The following SHCBP1 variants were observed in gnomAD, a reference collection of about 807,000 sequenced individuals.
SHCBP1 encodes the protein SHC binding and spindle associated 1, also known as SHC SH2 domain-binding protein 1.
SHCBP1 carries 60 observed loss-of-function variants against 75.1 expected under a neutral mutation model. That is an observed-to-expected ratio of 0.80 (90% CI 0.65 to 0.99). The LOEUF (loss-of-function observed/expected upper bound fraction) is 0.99. Among genes scored for constraint, SHCBP1 ranks in the 50% least tolerant of loss-of-function variants. The pLI is 0.00. For synonymous variants in SHCBP1, 290 were observed against 293.2 expected (o/e 0.99, Z 0.11); for missense variants, 709 against 809.4 (o/e 0.88, Z 1.50).
chr16:46,588,592 A>G (rs8059285), intron 10 of SHCBP1, among the ~76,000 whole-genome samples: 149,978 of 152,254 alleles, frequency 0.99, 73,894 homozygotes, highest in East Asian at 1. Context: ...TAAATTCCTC[A>G]ACACATACAC....
At chr16:46,608,500 T>C (rs1467428645) in intron 4 of SHCBP1, 111 bp from the exon 5 acceptor site, 2 of 691,412 alleles carry the variant, frequency 2.9e-6, no homozygotes, top group Non-Finnish European at 2.5e-6. Flanking sequence ...TCTTAGAGAA[T>C]GCTGCATATT....
chr16:46,593,142 G>T (rs766276954), intron 10 of SHCBP1, among the ~76,000 whole-genome samples: 1 of 151,120 alleles, frequency 6.6e-6, no homozygotes, highest in Non-Finnish European at 1.5e-5. Flanking sequence ...GGGGGAAAAA[G>T]GCATAAAGAT....
chr16:46,603,953 G>A (rs751938274), intron 7 of SHCBP1, 22 bp downstream of exon 7: 9 of 1,593,596 alleles, frequency 5.6e-6, no homozygotes, highest in Middle Eastern at 1.7e-4. Flanking sequence ...AAGCCACCTG[G>A]AGTGAGAAAC....
chr16:46,608,739 GA>G (rs1965362674), intron 4 of SHCBP1, among the ~76,000 whole-genome samples: 1 of 151,524 alleles, frequency 6.6e-6, no homozygotes. Context: ...GAGTAGCTGA[GA>G]TGGCACCCAC....
chr16:46,603,477 G>T, intron 8 of SHCBP1, 62 bp downstream of exon 8: 1 of 1,600,978 alleles, frequency 6.2e-7, no homozygotes. Context: ...CAAGATTGGT[G>T]ATTTATTGTT....
intron 7 of SHCBP1, 124 bp downstream of exon 7, chr16:46,603,851 A>T: frequency 7.4e-7 from 1 of 1,342,894 alleles, no homozygotes; most frequent in Non-Finnish European, 1.0e-6. Context: ...CAGGGCTCTC[A>T]CTACTTCCCA....
chr16:46,597,755 T>C (rs1965165950), intron 9 of SHCBP1, among the ~76,000 whole-genome samples: 1 of 152,224 alleles, frequency 6.6e-6, no homozygotes, highest in African/African-American at 2.4e-5. Flanking sequence ...AGGATTTCTC[T>C]GTAGCATGTG....
chr16:46,585,740 T>C (rs981896216), intron 10 of SHCBP1, among the ~76,000 whole-genome samples: 9 of 152,182 alleles, frequency 5.9e-5, no homozygotes, highest in Admixed American at 1.3e-4. Flanking sequence ...ACTCCCTCCC[T>C]ACTGGGGCAG....
At chr16:46,600,839 C>A (rs1410013937) in intron 8 of SHCBP1, among the ~76,000 whole-genome samples, 1 of 151,456 alleles carries the variant, frequency 6.6e-6, no homozygotes, top group Non-Finnish European at 1.5e-5. Context: ...ATACAGAAAT[C>A]CTGCCTCTAC....
In SHCBP1 at chr16:46,604,229, T is replaced by G; in HGVS notation, c.922A>C (p.Arg308=). 6.2e-7 allele frequency: 1 copy of G among 1,614,076 alleles called. No individual in the cohort carries two copies. The highest frequency in any genetic ancestry group is 2.2e-5 in the East Asian group (1 of 44,884). The stretch of plus-strand genomic sequence containing the variant: ...TAAGAATTACAAAGACACACATACC[T>G]CAACAAAGGATTCTCAATGAGTTTC... ...KLKLIENPLL[R]YVFGYQKNSN... The change falls in exon 6 of 13, where the codon AGG becomes CGG. Residue 308 remains arginine (R), a splice_region_variant and synonymous_variant. Transcript: ENST00000303383.
Position 46,580,108 on chromosome 16 carries a change from G to C in SHCBP1, c.*1621C>G, listed in dbSNP as rs1419197443. On this transcript the variant is annotated 3_prime_UTR_variant, in exon 13 of 13. Transcript: ENST00000303383. ...CCACTGCACTCCAGCCTGGGTGACA[G>C]AGCAAGACTCCATCTCAAAAAAAAA... 6.9e-6 allele frequency among the ~76,000 whole-genome samples: 1 copy of C among 145,040 alleles called. No homozygotes were observed.
chr16:46,597,610 G>A (rs1223015737), intron 9 of SHCBP1, among the ~76,000 whole-genome samples: 1 of 152,146 alleles, frequency 6.6e-6, no homozygotes, highest in Non-Finnish European at 1.5e-5. Flanking sequence ...TTTGCTGGTG[G>A]AGGGTCTTAC....
rs56372629 is a variant in SHCBP1 at position 46,585,074 on chromosome 16, G to A, written c.1465-985C>T. Among the ~76,000 whole-genome samples the A allele has an allele frequency of 3.6e-3, 554 of 152,194 alleles. 2 individuals carry two copies. The Middle Eastern group carries it at 0.037, about 10-fold the overall frequency. On this transcript the variant is annotated intron_variant, in intron 10 of 12. Coordinates refer to ENST00000303383, the MANE Select transcript of SHCBP1 (RefSeq NM_024745.5). Reference sequence around the variant, plus strand: ...AGAGATTTTCAGTTTGGGGTTATGTGCAAAAAAAGATTTTGGGGCGACTAT... The same window carrying A: ...AGAGATTTTCAGTTTGGGGTTATGTACAAAAAAAGATTTTGGGGCGACTAT...
intron 1 of SHCBP1, among the ~76,000 whole-genome samples, chr16:46,619,696 T>C (rs576528225): frequency 6.6e-4 from 100 of 152,268 alleles, no homozygotes; most frequent in African/African-American, 2.4e-3. Flanking sequence ...CTTTATAGCT[T>C]TATGGAGGTA....
intron 10 of SHCBP1, among the ~76,000 whole-genome samples, chr16:46,589,692 C>T (rs915949877): frequency 1.3e-5 from 2 of 152,132 alleles, no homozygotes; most frequent in Non-Finnish European, 2.9e-5. Context: ...AATGGAAGAA[C>T]ATTCCATGCT....
In SHCBP1 at chr16:46,604,307, T is replaced by C. The variant is rs373701887; in HGVS notation, c.844A>G (p.Met282Val). The C allele has an allele frequency of 4.3e-6, 7 of 1,614,182 alleles. No individual in the cohort carries two copies. In the East Asian group the frequency reaches 6.7e-5, roughly 15 times the overall value. Residue 282 changes from methionine to valine, a missense_variant, in exon 6 of 13, where the codon ATG becomes GTG. By Grantham distance (21) the Met-to-Val change is conservative (BLOSUM62 1). Coordinates refer to ENST00000303383, the MANE Select transcript of SHCBP1 (RefSeq NM_024745.5). ...NSDSEQENIS[M>V]VEGLKLYSEM... ...GAATACAATTTTAACCCTTCCACCA[T>C]GGAGATATTTTCCTGCTCGGAATCA...
intron 10 of SHCBP1, among the ~76,000 whole-genome samples, chr16:46,590,912 C>T (rs1271272099): frequency 6.6e-6 from 1 of 152,058 alleles, no homozygotes; most frequent in Non-Finnish European, 1.5e-5. Context: ...GACTTGGAAC[C>T]AACAAAAATG....
Position 46,579,267 on chromosome 16 carries a change from TC to T in SHCBP1, c.*2461del, listed in dbSNP as rs1271738461. Among the ~76,000 whole-genome samples the T allele has an allele frequency of 6.6e-6, 1 of 152,150 alleles. No individual in the cohort carries two copies. Among genetic ancestry groups the T allele is most frequent in the East Asian group, 1.9e-4 (1 of 5,186 alleles). On this transcript the variant is annotated 3_prime_UTR_variant, in exon 13 of 13. Transcript: ENST00000303383. Reference sequence around the variant, plus strand: ...ATCTCAAATATCAAACCCATACCCCTCTAGGGCACTCCCTAAATTCCCTATG... The same window carrying T: ...ATCTCAAATATCAAACCCATACCCCTTAGGGCACTCCCTAAATTCCCTATG...
intron 10 of SHCBP1, among the ~76,000 whole-genome samples, chr16:46,592,497 G>A (rs1965062745): frequency 6.6e-6 from 1 of 152,092 alleles, no homozygotes. Context: ...CCAGGTGATT[G>A]CATTGGAGAA....
Sources: gnomAD v4.1 joint callset for allele counts (sites outside exome capture counted in the v4.1 genomes callset) on GRCh38, gnomAD v4.1.1 for gene constraint, MANE v1.5 for transcripts, NCBI Gene and HGNC (gene_info 2026-07-23, HGNC 2026-07-21) for gene names.